The following CECR2 variants were observed in gnomAD, a reference collection of about 807,000 sequenced individuals.
The protein encoded by CECR2 is CECR2 histone acetyl-lysine reader.
CECR2 carries 30 observed loss-of-function variants against 154.5 expected under a neutral mutation model. The ratio of observed to expected loss-of-function variants is 0.19; its 90% CI spans 0.15 to 0.26. The LOEUF is 0.26. Among genes scored for constraint, CECR2 ranks in the 10% least tolerant of loss-of-function variants. CECR2 has a pLI of 1.00. For synonymous variants in CECR2, 725 were observed against 683.7 expected (o/e 1.06, Z -0.94); for missense variants, 1,743 against 1,829.3 (o/e 0.95, Z 0.86).
At chr22:17,439,706 A>G (rs2054555919) in intron 1 of CECR2, among the ~76,000 whole-genome samples, 1 of 152,218 alleles carries the variant, frequency 6.6e-6, no homozygotes, top group Non-Finnish European at 1.5e-5. Context: ...ACATAAATAT[A>G]TGTACTCTCA....
chr22:17,386,997 G>A (rs911849254), intron 1 of CECR2, among the ~76,000 whole-genome samples: 1 of 152,104 alleles, frequency 6.6e-6, no homozygotes, highest in African/African-American at 2.4e-5. Flanking sequence ...ATTCTTGTTT[G>A]ACTGTTGATT....
At chr22:17,505,190 C>G (rs988840117) in intron 7 of CECR2, among the ~76,000 whole-genome samples, 174 bp downstream of exon 7, 1 of 152,130 alleles carries the variant, frequency 6.6e-6, no homozygotes, top group Non-Finnish European at 1.5e-5. Flanking sequence ...CTCTCCTTCA[C>G]TGTGGGTCCT....
chr22:17,391,208 T>C (rs1456989465), intron 1 of CECR2, among the ~76,000 whole-genome samples: 2 of 152,222 alleles, frequency 1.3e-5, no homozygotes, highest in East Asian at 3.8e-4. Context: ...AGTAAACAGT[T>C]CACACTGAAA....
intron 1 of CECR2, among the ~76,000 whole-genome samples, chr22:17,464,494 CTT>C (rs906723651): frequency 7.2e-5 from 11 of 151,918 alleles, no homozygotes; most frequent in African/African-American, 2.7e-4. Flanking sequence ...GAATAAAAGT[CTT>C]TTTTTTCTTT....
chr22:17,455,121 T>C (rs1601387323), intron 1 of CECR2, among the ~76,000 whole-genome samples: 2 of 152,182 alleles, frequency 1.3e-5, no homozygotes, highest in East Asian at 3.9e-4. Flanking sequence ...ACTTGTGGAA[T>C]GCTGAGAAAG....
chr22:17,533,268 TA>T, intron 9 of CECR2, among the ~76,000 whole-genome samples: 2 of 147,492 alleles, frequency 1.4e-5, no homozygotes, highest in Middle Eastern at 3.5e-3. Flanking sequence ...TGCAGTGTGT[TA>T]ACATAGCGCC....
intron 8 of CECR2, among the ~76,000 whole-genome samples, chr22:17,514,208 G>A (rs2056010573): frequency 1.3e-5 from 2 of 152,206 alleles, no homozygotes; most frequent in South Asian, 2.1e-4. Flanking sequence ...GATTCGGGAT[G>A]CAGTGGTTAT....
At chr22:17,430,571 C>T (rs1183520567) in intron 1 of CECR2, among the ~76,000 whole-genome samples, 1 of 152,176 alleles carries the variant, frequency 6.6e-6, no homozygotes, top group African/African-American at 2.4e-5. Flanking sequence ...CTCCTTCTGC[C>T]AGCTTTCTCT....
At chr22:17,376,357 G>A (rs556056251) in intron 1 of CECR2, among the ~76,000 whole-genome samples, 102 of 143,624 alleles carry the variant, frequency 7.1e-4, no homozygotes, top group Admixed American at 1.4e-3. Flanking sequence ...GCTTTGCAAC[G>A]GAAGTTAAGT....
intron 1 of CECR2, among the ~76,000 whole-genome samples, chr22:17,476,859 A>G (rs1215109513): frequency 1.3e-5 from 2 of 152,214 alleles, no homozygotes; most frequent in Non-Finnish European, 2.9e-5. Flanking sequence ...GGGAAGGGAA[A>G]TAGGATCTCC....
chr22:17,406,911 G>T (rs765183413), intron 1 of CECR2, among the ~76,000 whole-genome samples: 1 of 152,146 alleles, frequency 6.6e-6, no homozygotes, highest in East Asian at 1.9e-4. Context: ...ATTCTCGTGC[G>T]AAAATGGAGG....
intron 1 of CECR2, among the ~76,000 whole-genome samples, chr22:17,375,373 C>T (rs2063106675): frequency 6.6e-6 from 1 of 152,084 alleles, no homozygotes; most frequent in African/African-American, 2.4e-5. Flanking sequence ...CCTCAGCCTC[C>T]CAAAGTGCTG....
In CECR2 at chr22:17,553,689, A is replaced by G. The variant is rs1481738490; in HGVS notation, c.*849A>G. 1 of 152,208 alleles carries G rather than the reference A, an allele frequency of 6.6e-6. No individual in the cohort carries two copies. The highest frequency in any genetic ancestry group is 1.5e-5 in the Non-Finnish European group (1 of 68,042). 9.4% of individuals were successfully genotyped at this position (152,208 alleles called of 1,614,324 possible). On this transcript the variant is annotated 3_prime_UTR_variant, in exon 19 of 19. Coordinates refer to ENST00000262608, the MANE Select transcript of CECR2 (RefSeq NM_001290047.2). ...GCTGCTCTCTCATGCTGGTGGCCCAAATTGAGAAAGTGGTGTCCCTTCCTG... is the reference window on the plus strand; with the variant it reads ...GCTGCTCTCTCATGCTGGTGGCCCAGATTGAGAAAGTGGTGTCCCTTCCTG...
In CECR2 at chr22:17,537,109, C is replaced by G. The variant is rs748666454; in HGVS notation, c.1115C>G (p.Ala372Gly). ...EEKVKAVEDR[A>G]KRRKLREERA... ...GCCTTTGTGTTCATTGTAGATCGAG[C>G]GAAGAGGAGAAAGCTCAGGGAAGAA... The change falls in exon 10 of 19, where the codon GCG becomes GGG. Residue 372 changes from alanine to glycine, a missense_variant. Physicochemically the swap from Ala to Gly is moderately conservative, Grantham distance 60 (BLOSUM62 0). Transcript: ENST00000262608. 1 of 1,613,142 alleles carries G rather than the reference C, an allele frequency of 6.2e-7. No individual in the cohort carries two copies.
rs2056750454 is a variant in CECR2, at chr22:17,554,360, TTTCTTATAAA to T, written c.*1524_*1533del. On this transcript the variant is annotated 3_prime_UTR_variant, in exon 19 of 19. Coordinates refer to ENST00000262608, the MANE Select transcript of CECR2 (RefSeq NM_001290047.2). ...TCTATGAAATATTAATCTGCCCTAG[TTTCTTATAAA>T]TTCAGCTGTGGGAGGGGCCAGTAGA... 6.6e-6 allele frequency: 1 copy of T among 152,212 alleles called. No homozygotes were observed. Among genetic ancestry groups the T allele is most frequent in the African/African-American group, 2.4e-5 (1 of 41,458 alleles). The allele number at this position is 152,212 out of a possible 1,614,324, so 9.4% of individuals were successfully genotyped here.
intron 8 of CECR2, among the ~76,000 whole-genome samples, chr22:17,512,793 C>CA (rs2146929982): frequency 6.6e-6 from 1 of 151,732 alleles, no homozygotes; most frequent in African/African-American, 2.4e-5. Context: ...GGAGATGTAG[C>CA]ATGGACCTGA....
intron 8 of CECR2, 62 bp from the exon 9 acceptor site, chr22:17,524,056 G>A: frequency 2.3e-6 from 3 of 1,295,822 alleles, no homozygotes; most frequent in Non-Finnish European, 3.2e-6. Context: ...AATGAACTGA[G>A]AGCAAAGAGC....
intron 1 of CECR2, among the ~76,000 whole-genome samples, chr22:17,361,265 A>G (rs1174879148): frequency 6.6e-6 from 1 of 152,152 alleles, no homozygotes; most frequent in Non-Finnish European, 1.5e-5. Context: ...AGGTGGGCAT[A>G]TCATTGAGGT....
chr22:17,537,309 C>A, intron 10 of CECR2, 77 bp downstream of exon 10: 3 of 1,542,572 alleles, frequency 1.9e-6, no homozygotes, highest in Non-Finnish European at 2.7e-6. Context: ...TGCCCCATGT[C>A]ATCCTTAGAA....
Sources: gnomAD v4.1 joint callset for allele counts (sites outside exome capture counted in the v4.1 genomes callset) on GRCh38, gnomAD v4.1.1 for gene constraint, MANE v1.5 for transcripts, NCBI Gene and HGNC (gene_info 2026-07-23, HGNC 2026-07-21) for gene names.